Variants in RYR3 observed in about 807,000 individuals in gnomAD.
RYR3 encodes brain ryanodine receptor-calcium release channel.
A neutral mutation model predicts 584.3 loss-of-function variants in RYR3; 207 were observed. That is an observed-to-expected ratio of 0.35 (90% CI 0.32 to 0.40). The LOEUF (loss-of-function observed/expected upper bound fraction) is 0.40. RYR3 is among the 10% of genes least tolerant of loss of function. The pLI, the probability that RYR3 is intolerant of heterozygous loss-of-function variation, is 1.00. For synonymous variants in RYR3, 2,416 were observed against 2,248.5 expected, an observed-to-expected ratio of 1.07 and a Z score of -2.11; for missense variants, 5,616 against 6,089.2, an observed-to-expected ratio of 0.92 and a Z score of 2.59.
intron 12 of RYR3, among the ~76,000 whole-genome samples, chr15:33,571,661 A>G (rs1457817319): frequency 1.3e-5 from 2 of 152,082 alleles, no homozygotes; most frequent in African/African-American, 4.8e-5. Context: ...ATTGTCTTCA[A>G]TCTTTGTACT....
At position 33,699,706 on chromosome 15, in the gene RYR3, T is replaced by G. The variant is rs776114034; in HGVS notation, c.6252T>G (p.Ile2084Met). Residue 2084 changes from isoleucine to methionine, a missense_variant and splice_region_variant, in exon 41 of 104, where the codon ATT becomes ATG. Around this residue, in one of 9 missense-constraint regions of RYR3, gnomAD observed 1,280 missense variants for 1,426.2 expected, o/e 0.90. Transcript: ENST00000634891. Reference protein sequence around the residue: ...VNVLGTEKSQIAFPKMVASCC... With the variant: ...VNVLGTEKSQMAFPKMVASCC... ...ACACTTTCTACTTCTCCCTACAGAT[T>G]GCATTTCCAAAGATGGTTGCTAGCT... 3.7e-6 allele frequency: 6 copies of G among 1,613,418 alleles called. No homozygotes were observed. Among genetic ancestry groups the G allele is most frequent in the Non-Finnish European group, 4.2e-6 (5 of 1,179,652 alleles).
At chr15:33,340,598 C>T (rs1971700717) in intron 1 of RYR3, among the ~76,000 whole-genome samples, 1 of 152,082 alleles carries the variant, frequency 6.6e-6, no homozygotes, top group South Asian at 2.1e-4. Flanking sequence ...GTGGATGGTC[C>T]CCTTCTCACT....
intron 1 of RYR3, among the ~76,000 whole-genome samples, chr15:33,468,363 G>A (rs2048657092): frequency 6.6e-6 from 1 of 152,140 alleles, no homozygotes; most frequent in Admixed American, 6.5e-5. Context: ...TTTAATCTAG[G>A]AGGAAATGTC....
intron 1 of RYR3, among the ~76,000 whole-genome samples, chr15:33,400,798 C>T (rs1323997686): frequency 6.6e-6 from 1 of 152,122 alleles, no homozygotes; most frequent in Non-Finnish European, 1.5e-5. Context: ...AACGCATAAT[C>T]CAACACATTA....
intron 1 of RYR3, among the ~76,000 whole-genome samples, chr15:33,327,784 T>A (rs1969905477): frequency 6.6e-6 from 1 of 152,172 alleles, no homozygotes; most frequent in Non-Finnish European, 1.5e-5. Flanking sequence ...GTGCTTATAT[T>A]TGGGTATACA....
rs114211691 is a variant in RYR3, at chr15:33,718,367, T to C, written c.6620-4348T>C. The stretch of plus-strand genomic sequence containing the variant: ...TCTATTGACTTATTGAAGAAATATA[T>C]TTTTTGAATGTTTGTGATATGCCAG... On this transcript the variant is annotated intron_variant, in intron 43 of 103. Coordinates refer to ENST00000634891, the MANE Select transcript of RYR3 (RefSeq NM_001036.6). Among the ~76,000 whole-genome samples the C allele has an allele frequency of 3.1e-3, 467 of 152,310 alleles. 3 individuals are homozygous for C. Among genetic ancestry groups the C allele is most frequent in the African/African-American group, 0.011 (449 of 41,556 alleles).
At chr15:33,789,660 T>TATATATATATATA (rs1567175274) in intron 67 of RYR3, among the ~76,000 whole-genome samples, 1 of 8,336 alleles carries the variant, frequency 1.2e-4, no homozygotes, top group Non-Finnish European at 2.3e-4. Context: ...ATATATATAT[T>TATATATATATATA]TTTTTTTTTT....
intron 3 of RYR3, among the ~76,000 whole-genome samples, chr15:33,516,564 G>A (rs2053542288): frequency 6.6e-6 from 1 of 152,058 alleles, no homozygotes; most frequent in Non-Finnish European, 1.5e-5. Flanking sequence ...TTGAACTCCT[G>A]ACCTCAAGTG....
intron 2 of RYR3, among the ~76,000 whole-genome samples, chr15:33,478,115 G>C (rs1299228750): frequency 6.6e-6 from 1 of 151,720 alleles, no homozygotes; most frequent in Non-Finnish European, 1.5e-5. Flanking sequence ...GGTTGGGGGG[G>C]GTGGTTTGGT....
chr15:33,432,188 C>T (rs2045217597), intron 1 of RYR3, among the ~76,000 whole-genome samples: 1 of 152,112 alleles, frequency 6.6e-6, no homozygotes, highest in Non-Finnish European at 1.5e-5. Context: ...AGGTAAGCAT[C>T]ACAAGCAGGA....
At chr15:33,561,039 T>C (rs1396215404) in intron 10 of RYR3, among the ~76,000 whole-genome samples, 1 of 152,238 alleles carries the variant, frequency 6.6e-6, no homozygotes, top group African/African-American at 2.4e-5. Context: ...ATAATTTTGT[T>C]TTTATGAAAG....
intron 89 of RYR3, chr15:33,840,490 C>T (rs2078289275): frequency 3.3e-6 from 1 of 301,580 alleles, no homozygotes; most frequent in Non-Finnish European, 6.1e-6. Flanking sequence ...GCTGATCAAA[C>T]TTGGTTTGAT....
intron 6 of RYR3, 105 bp from the exon 7 acceptor site, chr15:33,540,686 T>A: frequency 1.4e-6 from 1 of 702,206 alleles, no homozygotes; most frequent in Non-Finnish European, 2.5e-6. Context: ...AAGAACCAGA[T>A]GACAGTAAGG....
intron 18 of RYR3, among the ~76,000 whole-genome samples, chr15:33,611,705 C>T (rs2060197622): frequency 6.6e-6 from 1 of 152,028 alleles, no homozygotes; most frequent in African/African-American, 2.4e-5. Context: ...GTCGCCCAGG[C>T]TGGAGCGCAG....
intron 32 of RYR3, among the ~76,000 whole-genome samples, chr15:33,654,739 G>A (rs147659495): frequency 1.4e-4 from 21 of 152,250 alleles, no homozygotes; most frequent in African/African-American, 4.6e-4. Context: ...GTGGCATGCC[G>A]TACTTAGGGC....
At chr15:33,757,289 G>A (rs956778113) in intron 59 of RYR3, among the ~76,000 whole-genome samples, 186 bp from the exon 60 acceptor site, 16 of 152,120 alleles carry the variant, frequency 1.1e-4, no homozygotes, top group African/African-American at 3.9e-4. Context: ...TGCCCTTAAG[G>A]ACTCTGGTTT....
At chr15:33,818,499 C>T (rs1228563849) in intron 75 of RYR3, 79 bp from the exon 76 acceptor site, 11 of 1,031,076 alleles carry the variant, frequency 1.1e-5, no homozygotes, top group Admixed American at 7.8e-5. Context: ...TTGCGCTTTA[C>T]CTTCTCTTTG....
intron 28 of RYR3, among the ~76,000 whole-genome samples, chr15:33,644,840 G>GC (rs1555389581): frequency 6.6e-6 from 1 of 150,390 alleles, no homozygotes; most frequent in African/African-American, 2.4e-5. Flanking sequence ...AAACTTTTCT[G>GC]TTTTTTTTTC....
chr15:33,377,317 C>T (rs2040827924), intron 1 of RYR3, among the ~76,000 whole-genome samples: 1 of 152,192 alleles, frequency 6.6e-6, no homozygotes, highest in Non-Finnish European at 1.5e-5. Flanking sequence ...ACCCTGGCTG[C>T]TTCCATCTGA....
Sources: gnomAD v4.1 joint callset for allele counts (sites outside exome capture counted in the v4.1 genomes callset) on GRCh38, gnomAD v4.1.1 for gene constraint, gnomAD v4.1.1 regional missense constraint, MANE v1.5 for transcripts, NCBI Gene and HGNC (gene_info 2026-07-23, HGNC 2026-07-21) for gene names.